Variants in ZFHX4 observed in about 807,000 individuals in gnomAD.
ZFHX4 encodes the protein zinc finger homeobox 4.
A neutral mutation model predicts 267.6 loss-of-function variants in ZFHX4; 56 were observed. The ratio of observed to expected loss-of-function variants is 0.21; its 90% CI spans 0.17 to 0.26. The LOEUF (loss-of-function observed/expected upper bound fraction) is 0.26. Ranked by LOEUF, ZFHX4 falls within the 10% of genes least tolerant of loss-of-function variation. ZFHX4 has a pLI of 1.00. For synonymous variants in ZFHX4, 1,778 were observed against 1,665.6 expected, an observed-to-expected ratio of 1.07 and a Z score of -1.64; for missense variants, 4,332 against 4,420.0, an observed-to-expected ratio of 0.98 and a Z score of 0.56.
At chr8:76,849,177 C>T (rs1042910365) in intron 7 of ZFHX4, 49 bp downstream of exon 7, 1 of 1,501,784 alleles carries the variant, frequency 6.7e-7, no homozygotes. Flanking sequence ...TTTTTTATTG[C>T]TCCTGATAGT....
chr8:76,832,663 AG>A (rs781187094), intron 4 of ZFHX4, among the ~76,000 whole-genome samples: 22 of 152,298 alleles, frequency 1.4e-4, no homozygotes, highest in Admixed American at 3.3e-4. Context: ...GAGATGTCGA[AG>A]GAAATTTCTG....
At chr8:76,683,908 A>C (rs1407674376) in intron 1 of ZFHX4, 1 of 151,842 alleles carries the variant, frequency 6.6e-6, no homozygotes, top group Non-Finnish European at 1.5e-5. Flanking sequence ...CGACAGTGAC[A>C]CGGGCATCGA....
In ZFHX4 at chr8:76,708,165, CA is replaced by C. The variant is rs1475463470; in HGVS notation, c.3093+118del. On this transcript the variant is annotated intron_variant, in intron 3 of 10. Coordinates refer to ENST00000651372, the MANE Select transcript of ZFHX4 (RefSeq NM_024721.5). ...AAAAAAGAGAAAAAACATCAAAGGG[CA>C]GGGGGCACAGTTTCTGATTAACATT... The C allele has an allele frequency of 5.7e-6, 7 of 1,226,026 alleles. No homozygotes were observed. The African/African-American group carries it at 7.5e-5, about 13-fold the overall frequency. 75.9% of individuals were successfully genotyped at this position (1,226,026 alleles called of 1,614,324 possible).
At chr8:76,685,528 G>T (rs112108296) in intron 1 of ZFHX4, among the ~76,000 whole-genome samples, 7 of 152,206 alleles carry the variant, frequency 4.6e-5, no homozygotes, top group South Asian at 4.1e-4. Context: ...AGAACTAAAA[G>T]ATATTGAAAA....
chr8:76,708,369 T>G, intron 3 of ZFHX4: 1 of 261,816 alleles, frequency 3.8e-6, no homozygotes. Flanking sequence ...ATTTTTTTTT[T>G]TTTTGAACCT....
chr8:76,853,047 T>TCCCCCC lies in ZFHX4; in HGVS notation c.6131_6132insCCCCCC (p.Pro2060_Pro2061dup). The TCCCCCC allele has an allele frequency of 1.1e-6, 1 of 901,580 alleles. No homozygotes were observed. Among genetic ancestry groups the TCCCCCC allele is most frequent in the Non-Finnish European group, 1.7e-6 (1 of 602,260 alleles). 55.8% of individuals were successfully genotyped at this position (901,580 alleles called of 1,614,324 possible). On this transcript the variant is annotated inframe_insertion, in exon 10 of 11. Transcript: ENST00000651372. ...CTCTGCAAGCTCCACCACCCACTCC[T>TCCCCCC]CCCCCACCACCACCACCTCCTCCTC...
chr8:76,853,874 A>G lies in ZFHX4; in HGVS notation c.6953A>G (p.Asn2318Ser), dbSNP rs779497757. 4.5e-5 allele frequency: 72 copies of G among 1,613,836 alleles called. No homozygotes were observed. Among genetic ancestry groups the G allele is most frequent in the Non-Finnish European group, 5.5e-5 (65 of 1,179,888 alleles). ...ATGCAGTACCAGTGTAAAAAGTGCA[A>G]TGTGGTTTTCCCCAGGATCTTTGAC... Reference protein sequence around the residue: ...SNMQYQCKKCNVVFPRIFDLI... With the variant: ...SNMQYQCKKCSVVFPRIFDLI... The change falls in exon 10 of 11, where the codon AAT (asparagine) becomes AGT (serine). Residue 2318 changes from asparagine to serine, a missense_variant. Physicochemically the swap from Asn to Ser is conservative, Grantham distance 46. Coordinates refer to ENST00000651372, the MANE Select transcript of ZFHX4 (RefSeq NM_024721.5).
rs1323834953 is a variant in ZFHX4 at position 76,853,165 on chromosome 8, A to G, written c.6244A>G (p.Met2082Val). ...SLDLPLFPSI[M>V]MQPVQHPALP... ...GGACCTGCCGCTCTTTCCTTCCATT[A>G]TGATGCAACCTGTGCAACACCCTGC... is the stretch of plus-strand genomic sequence containing the variant. Residue 2082 changes from methionine (M) to valine (V), a missense_variant, in exon 10 of 11, where the codon ATG (methionine) becomes GTG (valine). Physicochemically the swap from Met to Val is conservative, Grantham distance 21 (BLOSUM62 1). This residue lies in a region of ZFHX4 where 1,371 missense variants were observed against 1,423.1 expected (regional missense o/e 0.96). Transcript: ENST00000651372. 12 of 1,549,304 alleles carry G rather than the reference A, an allele frequency of 7.7e-6. No individual in the cohort carries two copies. Among genetic ancestry groups the G allele is most frequent in the Non-Finnish European group, 1.0e-5 (12 of 1,146,650 alleles).
At chr8:76,838,072 G>A (rs1172897408) in intron 5 of ZFHX4, among the ~76,000 whole-genome samples, 2 of 152,156 alleles carry the variant, frequency 1.3e-5, no homozygotes, top group Admixed American at 6.5e-5. Context: ...TGAAGGAAAA[G>A]TGGAATTTAC....
intron 3 of ZFHX4, among the ~76,000 whole-genome samples, chr8:76,755,461 C>G (rs1809737622): frequency 6.6e-6 from 1 of 152,060 alleles, no homozygotes; most frequent in Non-Finnish European, 1.5e-5. Flanking sequence ...ATTAACAAGT[C>G]TTCATTAAGT....
At chr8:76,720,543 G>T (rs1445864858) in intron 3 of ZFHX4, among the ~76,000 whole-genome samples, 1 of 152,164 alleles carries the variant, frequency 6.6e-6, no homozygotes, top group African/African-American at 2.4e-5. Context: ...CAGTGAAACA[G>T]CTGGATTGAC....
intron 3 of ZFHX4, among the ~76,000 whole-genome samples, chr8:76,770,910 A>C (rs1291656492): frequency 6.6e-6 from 1 of 152,116 alleles, no homozygotes; most frequent in Non-Finnish European, 1.5e-5. Context: ...GAATGAACTA[A>C]AGTTAGAATT....
chr8:76,684,253 T>TA (rs79967444), intron 1 of ZFHX4, among the ~76,000 whole-genome samples: 1,625 of 146,990 alleles, frequency 0.011, 17 homozygotes, highest in African/African-American at 0.016. Flanking sequence ...TTCCTCATCT[T>TA]AAAAAAAAAA....
intron 3 of ZFHX4, among the ~76,000 whole-genome samples, chr8:76,742,759 T>G (rs964188393): frequency 6.6e-6 from 1 of 152,176 alleles, no homozygotes; most frequent in Non-Finnish European, 1.5e-5. Context: ...GATTTAATAG[T>G]CTGCACTTCC....
chr8:76,719,418 A>G (rs1261580542), intron 3 of ZFHX4, among the ~76,000 whole-genome samples: 6 of 152,012 alleles, frequency 3.9e-5, no homozygotes, highest in Non-Finnish European at 8.8e-5. Context: ...TGTACACATG[A>G]CTAATCAAAG....
Position 76,853,653 on chromosome 8 carries a change from T to A in ZFHX4, c.6732T>A (p.Phe2244Leu). 6.2e-7 allele frequency: 1 copy of A among 1,613,722 alleles called. No homozygotes were observed. The highest frequency in any genetic ancestry group is 8.5e-7 in the Non-Finnish European group (1 of 1,179,810). The change falls in exon 10 of 11, where the codon TTT becomes TTA. Residue 2244 changes from phenylalanine to leucine, a missense_variant. By Grantham distance (22) the Phe-to-Leu change is conservative. Around this residue, in one of 7 missense-constraint regions of ZFHX4, gnomAD observed 62 missense variants for 69.8 expected, o/e 0.89. Transcript: ENST00000651372. Reference protein sequence around the residue: ...TDYQLRVLQDFFDTNAYPKDD... With the variant: ...TDYQLRVLQDLFDTNAYPKDD... ...ACCAGCTTAGGGTTCTGCAAGACTT[T>A]TTTGACACAAACGCTTACCCAAAAG...
intron 4 of ZFHX4, chr8:76,782,100 ATTTTTTTTTTTT>A (rs77420241): frequency 3.0e-5 from 7 of 235,252 alleles, no homozygotes; most frequent in Admixed American, 5.9e-5. Context: ...TCAGTTAAGA[ATTTTTTTTTTTT>A]TTTTTTTTTT....
At chr8:76,725,848 G>A (rs772092302) in intron 3 of ZFHX4, among the ~76,000 whole-genome samples, 6 of 152,018 alleles carry the variant, frequency 3.9e-5, no homozygotes, top group Non-Finnish European at 8.8e-5. Flanking sequence ...AGGACATTTC[G>A]AAGTCATAAT....
chr8:76,755,604 T>C (rs1348983588), intron 3 of ZFHX4, among the ~76,000 whole-genome samples: 1 of 152,178 alleles, frequency 6.6e-6, no homozygotes, highest in Non-Finnish European at 1.5e-5. Flanking sequence ...GCTTGTGACA[T>C]TGTATGGATA....
Sources: gnomAD v4.1 joint callset for allele counts (sites outside exome capture counted in the v4.1 genomes callset) on GRCh38, gnomAD v4.1.1 for gene constraint, gnomAD v4.1.1 regional missense constraint, MANE v1.5 for transcripts, NCBI Gene and HGNC (gene_info 2026-07-23, HGNC 2026-07-21) for gene names.